Variants in ZNF226 observed in about 807,000 individuals in gnomAD.
The protein encoded by ZNF226 is Kruppel-associated box protein.
A neutral mutation model predicts 11.4 loss-of-function variants in ZNF226; 6 were observed. That is an observed-to-expected ratio of 0.53 (90% CI 0.29 to 1.04). The LOEUF is 1.04. Among genes scored for constraint, ZNF226 ranks in the 50% least tolerant of loss-of-function variants. The probability of loss-of-function intolerance (pLI) is 0.08; values close to 1 mark genes in which losing one functional copy is unlikely to be tolerated. For synonymous variants in ZNF226, 350 were observed against 322.8 expected, an observed-to-expected ratio of 1.08 and a Z score of -0.90; for missense variants, 1,058 against 956.5, an observed-to-expected ratio of 1.11 and a Z score of -1.40.
intron 3 of ZNF226, among the ~76,000 whole-genome samples, chr19:44,171,537 G>A (rs1448494218): frequency 6.6e-6 from 1 of 152,134 alleles, no homozygotes; most frequent in Non-Finnish European, 1.5e-5. Flanking sequence ...CAACTATGAA[G>A]AGGTTCTTTG....
Position 44,176,893 on chromosome 19 carries a change from C to T in ZNF226, c.1631C>T (p.Ser544Leu), listed in dbSNP as rs779380157. 79 of 1,613,584 alleles carry T rather than the reference C, an allele frequency of 4.9e-5. No individual in the cohort carries two copies. Among genetic ancestry groups the T allele is most frequent in the East Asian group, 1.8e-4 (8 of 44,828 alleles). ...TGTGGGAAGGGCTTCAGTCAAAGTT[C>T]GTATCTTCAAATCCATCAGAAGGCC... ...EICGKGFSQS[S>L]YLQIHQKAHS... The change falls in exon 6 of 6, where the codon TCG (serine) becomes TTG (leucine). Residue 544 changes from serine (S) to leucine (L), a missense_variant. Transcript: ENST00000337433.
At chr19:44,188,501 G>A in the ZNF226 span, among the ~76,000 whole-genome samples, 4 of 152,072 alleles carry the variant, frequency 2.6e-5, no homozygotes, top group Non-Finnish European at 5.9e-5. Context: ...ATAATATTAG[G>A]AATTATAAAT....
downstream of ZNF226, among the ~76,000 whole-genome samples, chr19:44,179,872 C>G (rs1363526715): frequency 6.6e-6 from 1 of 151,856 alleles, no homozygotes; most frequent in South Asian, 2.1e-4. Flanking sequence ...CACCTGAGGT[C>G]AGGAGTTTGA....
downstream of ZNF226, among the ~76,000 whole-genome samples, chr19:44,179,683 G>A (rs1242248304): frequency 1.3e-5 from 2 of 152,142 alleles, no homozygotes; most frequent in African/African-American, 2.4e-5. Flanking sequence ...GATAACCCAG[G>A]GCACTGGCTT....
At chr19:44,181,244 T>C (rs1970902125), downstream of ZNF226, among the ~76,000 whole-genome samples, 1 of 152,080 alleles carries the variant, frequency 6.6e-6, no homozygotes, top group Non-Finnish European at 1.5e-5. Context: ...TAGCTAGCCA[T>C]GGAGGCACAC....
intron 5 of ZNF226, chr19:44,174,870 T>G: frequency 1.0e-6 from 1 of 983,870 alleles, no homozygotes; most frequent in Non-Finnish European, 1.5e-6. Context: ...CCCCAAGTGA[T>G]TATCAACTTT....
chr19:44,173,114 A>G (rs1175900387), intron 5 of ZNF226, 162 bp downstream of exon 5: 4 of 625,458 alleles, frequency 6.4e-6, no homozygotes, highest in East Asian at 5.7e-5. Context: ...CTCCTCTTAC[A>G]TTCTGTTCTT....
chr19:44,176,555 C>G lies in ZNF226; in HGVS notation c.1293C>G (p.Ser431Arg). The change falls in exon 6 of 6, where the codon AGC (serine) becomes AGG (arginine). Residue 431 changes from serine to arginine, a missense_variant. Coordinates refer to ENST00000337433, the MANE Select transcript of ZNF226 (RefSeq NM_001032373.2). ...CEECGKGFIC[S>R]SNLYIHQRVH... Reference sequence around the variant, plus strand: ...AGTGTGGTAAGGGCTTCATTTGTAGCTCAAATCTTTACATTCATCAGAGAG... The same window carrying G: ...AGTGTGGTAAGGGCTTCATTTGTAGGTCAAATCTTTACATTCATCAGAGAG... 1 of 1,613,932 alleles carries G rather than the reference C, an allele frequency of 6.2e-7. No individual in the cohort carries two copies. The highest frequency in any genetic ancestry group is 8.5e-7 in the Non-Finnish European group (1 of 1,179,942).
At chr19:44,167,907 T>A (rs1329746629) in intron 2 of ZNF226, 1 of 152,150 alleles carries the variant, frequency 6.6e-6, no homozygotes, top group Non-Finnish European at 1.5e-5. Flanking sequence ...TTGGTTTATG[T>A]TAGATGAGTT....
Position 44,177,002 on chromosome 19 carries a change from C to G in ZNF226, c.1740C>G (p.Ile580Met). ...CACGACTTCAGATTCACCAGCTGAT[C>G]CATACGGGTGAGAAACCATACAAAT... Reference protein sequence around the residue: ...QSSRLQIHQLIHTGEKPYKCE... With the variant: ...QSSRLQIHQLMHTGEKPYKCE... Residue 580 changes from isoleucine to methionine, a missense_variant, in exon 6 of 6, where the codon ATC becomes ATG. Transcript: ENST00000337433. 1 of 1,613,674 alleles carries G rather than the reference C, an allele frequency of 6.2e-7. No individual in the cohort carries two copies. The highest frequency in any genetic ancestry group is 8.5e-7 in the Non-Finnish European group (1 of 1,179,834).
chr19:44,169,968 A>G (rs562230700), intron 2 of ZNF226, 67 bp from the exon 3 acceptor site: 9 of 1,115,956 alleles, frequency 8.1e-6, no homozygotes, highest in East Asian at 2.6e-5. Context: ...GCTAATTCCT[A>G]AAGAGCAGCC....
At chr19:44,177,945 TA>T (rs540313009), downstream of ZNF226, 159 of 316,096 alleles carry the variant, frequency 5.0e-4, 4 homozygotes, top group East Asian at 9.2e-3. Flanking sequence ...GTTAACTCCA[TA>T]AAGACAGAAA....
the ZNF226 span, among the ~76,000 whole-genome samples, chr19:44,192,850 T>G: frequency 6.6e-6 from 1 of 152,310 alleles, no homozygotes; most frequent in South Asian, 2.1e-4. Context: ...CAAGAAAACC[T>G]TGTTGCTTTA....
chr19:44,186,286 T>C, the ZNF226 span, among the ~76,000 whole-genome samples: 3 of 152,060 alleles, frequency 2.0e-5, no homozygotes, highest in East Asian at 1.9e-4. Context: ...GTAAATCACT[T>C]TGTGTAGCAT....
chr19:44,183,042 T>A (rs943088599), downstream of ZNF226, among the ~76,000 whole-genome samples: 5 of 152,068 alleles, frequency 3.3e-5, no homozygotes, highest in Non-Finnish European at 5.9e-5. Context: ...GAAAGTACAC[T>A]GATACGCTGC....
At chr19:44,192,017 G>GT in the ZNF226 span, among the ~76,000 whole-genome samples, 1 of 152,186 alleles carries the variant, frequency 6.6e-6, no homozygotes, top group Non-Finnish European at 1.5e-5. Context: ...CTGGAAGAGT[G>GT]TGTATCCAAG....
chr19:44,178,842 A>G (rs577740556), downstream of ZNF226, among the ~76,000 whole-genome samples: 2 of 152,278 alleles, frequency 1.3e-5, no homozygotes, highest in South Asian at 4.2e-4. Context: ...ATCCTTGAAA[A>G]TGATGACCAA....
At chr19:44,175,397 A>G (rs1970581942) in intron 5 of ZNF226, 101 bp from the exon 6 acceptor site, 5 of 1,460,132 alleles carry the variant, frequency 3.4e-6, no homozygotes, top group Middle Eastern at 2.5e-4. Flanking sequence ...GAGCAGAACT[A>G]TCCCGAGGTT....
At chr19:44,180,468 C>A (rs1233360520), downstream of ZNF226, among the ~76,000 whole-genome samples, 1 of 152,140 alleles carries the variant, frequency 6.6e-6, no homozygotes, top group African/African-American at 2.4e-5. Flanking sequence ...TATCAGAAAT[C>A]CTGAGTCTTC....
Sources: gnomAD v4.1 joint callset for allele counts (sites outside exome capture counted in the v4.1 genomes callset) on GRCh38, gnomAD v4.1.1 for gene constraint, MANE v1.5 for transcripts, NCBI Gene and HGNC (gene_info 2026-07-23, HGNC 2026-07-21) for gene names.